Variants in PIAS2 observed in about 807,000 individuals in gnomAD.
The protein encoded by PIAS2 is protein inhibitor of activated STAT 2, also known as E3 SUMO-protein ligase PIAS2.
A neutral mutation model predicts 69.7 loss-of-function variants in PIAS2; 19 were observed. The ratio of observed to expected loss-of-function variants is 0.27; its 90% CI spans 0.19 to 0.40. The LOEUF (loss-of-function observed/expected upper bound fraction) is 0.40. PIAS2 is among the 10% of genes least tolerant of loss of function. The pLI is 1.00. For missense variants in PIAS2, 624 were observed against 757.0 expected (o/e 0.82, Z 2.06); for synonymous variants, 261 against 263.2 (o/e 0.99, Z 0.08).
At chr18:46,907,771 C>T (rs1349339640) in intron 1 of PIAS2, 1 of 151,980 alleles carries the variant, frequency 6.6e-6, no homozygotes, top group Non-Finnish European at 1.5e-5. Flanking sequence ...GCCAACTTTT[C>T]CTATACATGG....
intron 9 of PIAS2, 137 bp from the exon 10 acceptor site, chr18:46,830,004 T>C (rs566114758): frequency 4.4e-6 from 3 of 676,036 alleles, no homozygotes; most frequent in South Asian, 4.0e-5. Context: ...CAATACTTTA[T>C]ACTTTACAAC....
intron 1 of PIAS2, among the ~76,000 whole-genome samples, chr18:46,909,802 G>A (rs1040007668): frequency 2.0e-5 from 3 of 152,060 alleles, no homozygotes; most frequent in Admixed American, 2.0e-4. Flanking sequence ...TGCAGGTCAG[G>A]GTTTTTCTGC....
At chr18:46,820,823 T>C (rs1047881497) in intron 12 of PIAS2, 110 bp downstream of exon 12, 1 of 958,998 alleles carries the variant, frequency 1.0e-6, no homozygotes, top group African/African-American at 1.7e-5. Flanking sequence ...GCTTTCAAAT[T>C]TCCTTAGCAC....
Position 46,809,599 on chromosome 18 carries a change from T to C in PIAS2, c.*2834A>G, listed in dbSNP as rs1261153120. ...GGAGAAACCCCGTATCTACTAAAAA[T>C]ACAAAATTAGCTGGGCGTGGTGATA... On this transcript the variant is annotated 3_prime_UTR_variant, in exon 14 of 14. Transcript: ENST00000585916. 1 of 152,022 alleles carries C rather than the reference T, an allele frequency of 6.6e-6. No individual in the cohort carries two copies. The highest frequency in any genetic ancestry group is 1.5e-5 in the Non-Finnish European group (1 of 68,068). The allele number at this position is 152,022 out of a possible 1,614,324, so 9.4% of individuals were successfully genotyped here.
At chr18:46,883,429 G>A (rs375937523) in intron 2 of PIAS2, among the ~76,000 whole-genome samples, 3 of 152,042 alleles carry the variant, frequency 2.0e-5, no homozygotes, top group African/African-American at 7.2e-5. Flanking sequence ...AGTGCCAAGC[G>A]CAGTGGCTCA....
intron 8 of PIAS2, among the ~76,000 whole-genome samples, chr18:46,842,453 T>A (rs949066818): frequency 6.6e-6 from 1 of 152,132 alleles, no homozygotes; most frequent in Non-Finnish European, 1.5e-5. Context: ...TTGTGTAGAC[T>A]TTCTTCCTGA....
chr18:46,849,633 T>A (rs2145330938), intron 5 of PIAS2, among the ~76,000 whole-genome samples: 1 of 152,316 alleles, frequency 6.6e-6, no homozygotes. Flanking sequence ...GTGACAAAAG[T>A]TGTCCACAAT....
At chr18:46,919,073 A>C (rs923792188), upstream of PIAS2, among the ~76,000 whole-genome samples, 1 of 151,368 alleles carries the variant, frequency 6.6e-6, no homozygotes, top group Non-Finnish European at 1.5e-5. Context: ...TGTTTTGGCC[A>C]GGTGCAGTGG....
chr18:46,817,976 C>A (rs2041740927), intron 12 of PIAS2: 4 of 985,048 alleles, frequency 4.1e-6, no homozygotes, highest in Non-Finnish European at 3.6e-6. Context: ...TCAACTGCAG[C>A]GTGTCATACT....
At chr18:46,841,047 C>T (rs1375823391) in intron 8 of PIAS2, among the ~76,000 whole-genome samples, 1 of 151,774 alleles carries the variant, frequency 6.6e-6, no homozygotes, top group Admixed American at 6.6e-5. Flanking sequence ...CTTTTTCTCT[C>T]CCCCAGCTAC....
At chr18:46,901,049 G>T in intron 1 of PIAS2, 1 of 406,752 alleles carries the variant, frequency 2.5e-6, no homozygotes, top group Non-Finnish European at 4.8e-6. Flanking sequence ...AACAGAAGAT[G>T]AGAGAATATT....
chr18:46,902,027 T>C (rs1421852182), intron 1 of PIAS2, among the ~76,000 whole-genome samples: 1 of 152,054 alleles, frequency 6.6e-6, no homozygotes. Context: ...TCTCAACAAA[T>C]CTACAAAACA....
intron 3 of PIAS2, among the ~76,000 whole-genome samples, chr18:46,861,625 G>T (rs908767547): frequency 6.6e-6 from 1 of 152,108 alleles, no homozygotes. Flanking sequence ...ATAACTTGAG[G>T]TATTCTTGCC....
At chr18:46,890,523 G>C (rs2053914899) in intron 2 of PIAS2, 57 bp downstream of exon 2, 3 of 1,005,082 alleles carry the variant, frequency 3.0e-6, no homozygotes, top group Admixed American at 2.2e-5. Context: ...AATAGTTGAA[G>C]GTCTCTCATT....
At chr18:46,918,709 A>G (rs927901597), upstream of PIAS2, among the ~76,000 whole-genome samples, 53 of 152,230 alleles carry the variant, frequency 3.5e-4, no homozygotes, top group East Asian at 1.2e-3. Flanking sequence ...GGCGTGAGCC[A>G]CTGCACCCGG....
At chr18:46,856,787 C>A (rs989005161) in intron 3 of PIAS2, among the ~76,000 whole-genome samples, 1 of 152,184 alleles carries the variant, frequency 6.6e-6, no homozygotes, top group African/African-American at 2.4e-5. Flanking sequence ...GAGTGTAGTC[C>A]TTTCTTGAGA....
chr18:46,817,037 A>G (rs2041635413), intron 12 of PIAS2: 1 of 938,768 alleles, frequency 1.1e-6, no homozygotes, highest in Non-Finnish European at 1.3e-6. Flanking sequence ...TTATTAAGTA[A>G]AAAAAGTTTA....
intron 11 of PIAS2, among the ~76,000 whole-genome samples, chr18:46,823,697 CAT>C (rs1404526611): frequency 2.6e-5 from 4 of 152,186 alleles, no homozygotes; most frequent in Non-Finnish European, 5.9e-5. Context: ...CCTCAGCAAA[CAT>C]ATGAAAAGCT....
upstream of PIAS2, chr18:46,918,078 T>TGGG (rs1296566820): frequency 6.6e-6 from 1 of 150,728 alleles, no homozygotes; most frequent in African/African-American, 2.5e-5. Flanking sequence ...GCGGTGGGGT[T>TGGG]GGGGGCGGGG....
Sources: gnomAD v4.1 joint callset for allele counts (sites outside exome capture counted in the v4.1 genomes callset) on GRCh38, gnomAD v4.1.1 for gene constraint, MANE v1.5 for transcripts, NCBI Gene and HGNC (gene_info 2026-07-23, HGNC 2026-07-21) for gene names.